The following MFN1 variants were observed in gnomAD, a reference collection of about 807,000 sequenced individuals.
MFN1 encodes mitofusin 1.
In MFN1, 65 loss-of-function variants were observed where a neutral mutation model predicts 92.4. The ratio of observed to expected loss-of-function variants is 0.70; its 90% CI spans 0.58 to 0.86. The LOEUF is 0.86. Among genes scored for constraint, MFN1 ranks in the 40% least tolerant of loss-of-function variants. The pLI, the probability that MFN1 is intolerant of heterozygous loss-of-function variation, is 0.00. For missense variants in MFN1, 781 were observed against 868.0 expected, an observed-to-expected ratio of 0.90 and a Z score of 1.26; for synonymous variants, 297 against 300.9, an observed-to-expected ratio of 0.99 and a Z score of 0.13.
intron 14 of MFN1, among the ~76,000 whole-genome samples, chr3:179,383,379 A>T (rs376515156): frequency 6.6e-6 from 1 of 152,090 alleles, no homozygotes; most frequent in African/African-American, 2.4e-5. Context: ...AGATAGTTGT[A>T]GATGTGTGGT....
rs144547677 is a variant in MFN1, at chr3:179,362,451, C to G, written c.505C>G (p.Leu169Val). ...RVFWPKAKCA[L>V]LRDDLVLVDS... is the part of the protein sequence containing the mutation. ...GTTTTGGCCAAAAGCAAAATGTGCC[C>G]TCTTGAGAGATGACCTGGTGTTAGT... The change falls in exon 5 of 18, where the codon CTC (leucine) becomes GTC (valine). Residue 169 changes from leucine (L) to valine (V), a missense_variant. Coordinates refer to ENST00000471841, the MANE Select transcript of MFN1 (RefSeq NM_033540.3). The G allele has an allele frequency of 2.4e-5, 38 of 1,613,588 alleles. No individual in the cohort carries two copies. Among genetic ancestry groups the G allele is most frequent in the Non-Finnish European group, 2.8e-5 (33 of 1,179,916 alleles).
At chr3:179,390,861 G>A (rs1713873113) in intron 17 of MFN1, among the ~76,000 whole-genome samples, 1 of 152,148 alleles carries the variant, frequency 6.6e-6, no homozygotes, top group South Asian at 2.1e-4. Flanking sequence ...TTACAAATTG[G>A]AGGGACTGTC....
chr3:179,389,896 A>G, intron 16 of MFN1, 108 bp from the exon 17 acceptor site: 2 of 980,546 alleles, frequency 2.0e-6, no homozygotes, highest in Non-Finnish European at 3.1e-6. Flanking sequence ...GATTCCCTAT[A>G]GTTTAGAAGT....
intron 9 of MFN1, among the ~76,000 whole-genome samples, chr3:179,374,578 G>T (rs529428191): frequency 1.3e-4 from 19 of 151,946 alleles, no homozygotes; most frequent in Admixed American, 1.2e-3. Flanking sequence ...AGATAAATGA[G>T]ATAGGGCATG....
rs758006473 is a variant in MFN1 at position 179,378,372 on chromosome 3, G to C, written c.1361G>C (p.Gly454Ala). ...AATAAGCACATAGAGGATGGTATGG[G>C]AAGAAATTTGGCTGATCGATGCACC... ...ELNKHIEDGM[G>A]RNLADRCTDE... Residue 454 changes from glycine (G) to alanine (A), a missense_variant, in exon 13 of 18, where the codon GGA becomes GCA. Gly to Ala is a moderately conservative substitution (Grantham distance 60, BLOSUM62 0). Coordinates refer to ENST00000471841, the MANE Select transcript of MFN1 (RefSeq NM_033540.3). 6 of 1,604,430 alleles carry C rather than the reference G, an allele frequency of 3.7e-6. No homozygotes were observed. Among genetic ancestry groups the C allele is most frequent in the Middle Eastern group, 1.7e-4 (1 of 6,040 alleles).
In MFN1 at chr3:179,368,308, T is replaced by C. The variant is rs564723584; in HGVS notation, c.975+205T>C. Among the ~76,000 whole-genome samples the C allele has an allele frequency of 6.9e-4, 105 of 152,268 alleles. 2 individuals are homozygous for C. Among genetic ancestry groups the C allele is most frequent in the African/African-American group, 2.5e-3 (103 of 41,572 alleles). The stretch of plus-strand genomic sequence containing the variant: ...AAGAATTGAGAATTAAAGATTGTAA[T>C]TTATTCCTTATTCTTATTTTTATGT... On this transcript the variant is annotated intron_variant, in intron 9 of 17. Coordinates refer to ENST00000471841, the MANE Select transcript of MFN1 (RefSeq NM_033540.3).
At chr3:179,380,934 GTGAGCTCCT>G (rs113011022) in intron 14 of MFN1, among the ~76,000 whole-genome samples, 26,336 of 152,114 alleles carry the variant, frequency 0.17, 2,346 homozygotes, top group Admixed American at 0.24. Flanking sequence ...AGTATGTCAA[GTGAGCTCCT>G]TATGCAAAAA....
At chr3:179,359,094 T>A (rs1165795266) in intron 4 of MFN1, 92 bp downstream of exon 4, 25 of 1,278,400 alleles carry the variant, frequency 2.0e-5, no homozygotes, top group African/African-American at 9.1e-5. Context: ...TCTGCATCGC[T>A]GACATCTTAT....
intron 2 of MFN1, among the ~76,000 whole-genome samples, chr3:179,350,637 A>G (rs1712108890): frequency 6.6e-6 from 1 of 152,234 alleles, no homozygotes; most frequent in African/African-American, 2.4e-5. Flanking sequence ...ATAAATCAAG[A>G]AAAACATACA....
In MFN1 at chr3:179,394,105, C is replaced by A. The variant is rs1248526864; in HGVS notation, c.*2046C>A. On this transcript the variant is annotated 3_prime_UTR_variant, in exon 18 of 18. Coordinates refer to ENST00000471841, the MANE Select transcript of MFN1 (RefSeq NM_033540.3). ...TCAAGTGATCCTTTTACCTCAGCCT[C>A]CCAAACTGTTGGGATAACAGGTGTA... is the stretch of plus-strand genomic sequence containing the variant. 1 of 152,214 alleles carries A rather than the reference C, an allele frequency of 6.6e-6. No homozygotes were observed. Among genetic ancestry groups the A allele is most frequent in the Non-Finnish European group, 1.5e-5 (1 of 68,100 alleles). 9.4% of individuals were successfully genotyped at this position (152,214 alleles called of 1,614,324 possible).
chr3:179,387,153 G>A (rs1220936056), intron 16 of MFN1, among the ~76,000 whole-genome samples: 2 of 151,946 alleles, frequency 1.3e-5, no homozygotes, highest in African/African-American at 4.8e-5. Context: ...GACCACCTGG[G>A]CTCAAGTAAT....
chr3:179,354,105 A>G (rs1037944134), intron 3 of MFN1, among the ~76,000 whole-genome samples: 3 of 152,210 alleles, frequency 2.0e-5, no homozygotes, highest in Non-Finnish European at 2.9e-5. Flanking sequence ...GCTCCATTTA[A>G]AAAGATCCTA....
intron 5 of MFN1, among the ~76,000 whole-genome samples, chr3:179,363,593 G>A (rs1712668284): frequency 6.6e-6 from 1 of 151,618 alleles, no homozygotes; most frequent in Non-Finnish European, 1.5e-5. Flanking sequence ...CCAGTCTTAA[G>A]CAACCCTTCC....
chr3:179,376,623 A>C (rs913229853), intron 10 of MFN1, among the ~76,000 whole-genome samples: 24 of 152,326 alleles, frequency 1.6e-4, no homozygotes, highest in African/African-American at 5.3e-4. Context: ...TTAGAGCAAA[A>C]GCAGCCATAG....
intron 4 of MFN1, among the ~76,000 whole-genome samples, chr3:179,360,965 A>G (rs1331348999): frequency 1.3e-5 from 2 of 152,090 alleles, no homozygotes; most frequent in Non-Finnish European, 2.9e-5. Flanking sequence ...CTCTACAAAA[A>G]ATACAAAAAT....
chr3:179,366,950 C>T lies in MFN1; in HGVS notation c.754-489C>T, dbSNP rs187927673. 2.9e-4 allele frequency among the ~76,000 whole-genome samples: 44 copies of T among 152,256 alleles called. No homozygotes were observed. The East Asian group carries it at 7.5e-3, about 26-fold the overall frequency. Reference sequence around the variant, plus strand: ...CCAACCTTAACTTTGTTTTTTGAGACGGAGTCTTGCTCTGTCACCCAGGCT... The same window carrying T: ...CCAACCTTAACTTTGTTTTTTGAGATGGAGTCTTGCTCTGTCACCCAGGCT... On this transcript the variant is annotated intron_variant, in intron 7 of 17. Transcript: ENST00000471841.
intron 14 of MFN1, among the ~76,000 whole-genome samples, chr3:179,384,286 G>A (rs532660905): frequency 3.4e-4 from 52 of 152,174 alleles, no homozygotes; most frequent in Non-Finnish European, 6.5e-4. Context: ...AAATATTCAT[G>A]TACATGTTTT....
chr3:179,389,849 A>C (rs1323140815), intron 16 of MFN1, among the ~76,000 whole-genome samples, 155 bp from the exon 17 acceptor site: 1 of 152,148 alleles, frequency 6.6e-6, no homozygotes, highest in Non-Finnish European at 1.5e-5. Flanking sequence ...GCAGCCCACT[A>C]GTGCCATATC....
rs1178774039 is a variant in MFN1 at position 179,367,552 on chromosome 3, T to C, written c.867T>C (p.Leu289=). ...RIFFVSAKEV[L]SARKQKAQGM... The stretch of plus-strand genomic sequence containing the variant: ...TCTTTGTTTCAGCAAAGGAAGTTCT[T>C]AGTGCTAGAAAGCAAAAAGCACAGG... Residue 289 remains leucine, a synonymous_variant, in exon 8 of 18, where the codon CTT becomes CTC. Coordinates refer to ENST00000471841, the MANE Select transcript of MFN1 (RefSeq NM_033540.3). 4 of 1,613,830 alleles carry C rather than the reference T, an allele frequency of 2.5e-6. No homozygotes were observed. The highest frequency in any genetic ancestry group is 3.4e-6 in the Non-Finnish European group (4 of 1,179,894).
Sources: allele counts gnomAD v4.1 joint callset (sites outside exome capture counted in the v4.1 genomes callset), GRCh38; gene constraint gnomAD v4.1.1; transcripts MANE v1.5; gene names NCBI Gene and HGNC (gene_info 2026-07-23, HGNC 2026-07-21).